PRDM15: variants seen among roughly 807,000 people sequenced by gnomAD.
PRDM15 encodes the protein PR domain zinc finger protein 15.
A neutral mutation model predicts 128.6 loss-of-function variants in PRDM15; 64 were observed. The ratio of observed to expected loss-of-function variants is 0.50; its 90% CI spans 0.41 to 0.61. The LOEUF is 0.61. Among genes scored for constraint, PRDM15 ranks in the 20% least tolerant of loss-of-function variants. The pLI, the probability that PRDM15 is intolerant of heterozygous loss-of-function variation, is 0.00. For missense variants in PRDM15, 1,242 were observed against 1,569.1 expected (o/e 0.79, Z 3.52); for synonymous variants, 615 against 621.8 (o/e 0.99, Z 0.16).
Position 41,879,027 on chromosome 21 carries a change from G to C in PRDM15, c.-10+243C>G. 3.7e-6 allele frequency: 4 copies of C among 1,084,658 alleles called. No homozygotes were observed. Among genetic ancestry groups the C allele is most frequent in the Non-Finnish European group, 4.6e-6 (4 of 876,276 alleles). 67.2% of individuals were successfully genotyped at this position (1,084,658 alleles called of 1,614,324 possible). On this transcript the variant is annotated intron_variant, in intron 1 of 23. Coordinates refer to ENST00000398548, the MANE Select transcript of PRDM15 (RefSeq NM_001040424.3). The surrounding 1 kb of genome is among the most constrained non-coding windows in gnomAD (Gnocchi z 5.1). ...GGCGGGCGGCGCGCAGGGCGATCCC[G>C]GAGCGGCTCCGGGAAATCCAGCCGG...
chr21:41,835,888 A>G (rs115525932), intron 10 of PRDM15, among the ~76,000 whole-genome samples: 255 of 50,644 alleles, frequency 5.0e-3, no homozygotes, highest in South Asian at 0.01. Context: ...TCTCAGGGAC[A>G]CCTGGGCACC....
Position 41,828,945 on chromosome 21 carries a change from C to T in PRDM15, c.1367-612G>A, listed in dbSNP as rs2062573129. On this transcript the variant is annotated intron_variant, in intron 11 of 23. Coordinates refer to ENST00000398548, the MANE Select transcript of PRDM15 (RefSeq NM_001040424.3). This position sits in a 1 kb window ranked among gnomAD's most constrained non-coding sequence, Gnocchi z 5.7. ...TCAACACACACCCCCCACACAAATA[C>T]ACAATCACACACACCACATACACAC... Among the ~76,000 whole-genome samples, 1 of 149,566 alleles carries T rather than the reference C, an allele frequency of 6.7e-6. No individual in the cohort carries two copies. The highest frequency in any genetic ancestry group is 2.5e-5 in the African/African-American group (1 of 39,706).
intron 1 of PRDM15, chr21:41,861,720 T>A (rs750801270): frequency 6.2e-7 from 1 of 1,614,110 alleles, no homozygotes; most frequent in South Asian, 1.1e-5. Context: ...GCAAAACTCA[T>A]ATGGAAACTC....
In PRDM15 at chr21:41,862,195, C is replaced by T. The variant is rs1410650703; in HGVS notation, c.-9-1823G>A. Among the ~76,000 whole-genome samples, 1 of 152,180 alleles carries T rather than the reference C, an allele frequency of 6.6e-6. No homozygotes were observed. Among genetic ancestry groups the T allele is most frequent in the Non-Finnish European group, 1.5e-5 (1 of 68,024 alleles). On this transcript the variant is annotated intron_variant, in intron 1 of 23. Coordinates refer to ENST00000398548, the MANE Select transcript of PRDM15 (RefSeq NM_001040424.3). This position sits in a 1 kb window ranked among gnomAD's most constrained non-coding sequence, Gnocchi z 4.1. ...CCTGCGTGCCCCCTGCAGGAACCCACGTGACTCACGGTCAGGAGCTTGGGC... is the reference window on the plus strand; with the variant it reads ...CCTGCGTGCCCCCTGCAGGAACCCATGTGACTCACGGTCAGGAGCTTGGGC...
Position 41,836,177 on chromosome 21 carries a change from GCA to G in PRDM15, c.1212_1213del (p.Ala405LysfsTer34). ...GCTCTCTTTGCGGCTGAACAATTTT[GCA>G]CACTCTTCGCACTTAAACAGCTTGT... On this transcript the variant is annotated frameshift_variant, in exon 10 of 24. Transcript: ENST00000398548. LOFTEE classifies it high-confidence loss of function. 6.2e-7 allele frequency: 1 copy of G among 1,613,906 alleles called. No homozygotes were observed. The highest frequency in any genetic ancestry group is 8.5e-7 in the Non-Finnish European group (1 of 1,179,958).
At chr21:41,839,578 G>A (rs770308632) in intron 7 of PRDM15, 45 bp downstream of exon 7, 1 of 1,568,120 alleles carries the variant, frequency 6.4e-7, no homozygotes, top group Non-Finnish European at 8.8e-7. Context: ...GCGCCAGGAG[G>A]GCTGCGCCCC....
chr21:41,806,525 CCACCACCA>C (rs2061655550), intron 21 of PRDM15, among the ~76,000 whole-genome samples: 1 of 2,936 alleles, frequency 3.4e-4, no homozygotes, highest in Non-Finnish European at 9.9e-4. Context: ...ACCACCATCA[CCACCACCA>C]TCACTACCAC....
chr21:41,826,760 C>T lies in PRDM15; in HGVS notation c.1535-706G>A, dbSNP rs1242308036. Among the ~76,000 whole-genome samples the T allele has an allele frequency of 5.3e-5, 8 of 152,202 alleles. No individual in the cohort carries two copies. In the South Asian group the frequency reaches 6.2e-4, roughly 12 times the overall value. ...CAAACTGGACGTTGGACAAACGGACCGTTCTCCAAAGGCTCCCAGCATGAC... is the reference window on the plus strand; with the variant it reads ...CAAACTGGACGTTGGACAAACGGACTGTTCTCCAAAGGCTCCCAGCATGAC... On this transcript the variant is annotated intron_variant, in intron 12 of 23. Coordinates refer to ENST00000398548, the MANE Select transcript of PRDM15 (RefSeq NM_001040424.3).
At chr21:41,838,657 C>CT (rs550854397) in intron 7 of PRDM15, among the ~76,000 whole-genome samples, 42 of 152,358 alleles carry the variant, frequency 2.8e-4, no homozygotes, top group African/African-American at 9.6e-4. Context: ...ACCTGACACG[C>CT]TTTCCCCCGC....
chr21:41,859,338 G>A lies in PRDM15; in HGVS notation c.131+254C>T, dbSNP rs373801204. 9.8e-5 allele frequency: 97 copies of A among 991,792 alleles called. 1 individual carries two copies. In the East Asian group the frequency reaches 1.9e-3, roughly 20 times the overall value. The allele number at this position is 991,792 out of a possible 1,614,324, so 61.4% of individuals were successfully genotyped here. On this transcript the variant is annotated intron_variant, in intron 3 of 23. Transcript: ENST00000398548. The surrounding 1 kb of genome is among the most constrained non-coding windows in gnomAD (Gnocchi z 5.3). Reference sequence around the variant, plus strand: ...TTCTGCAGCCTCCACACACTGTGTCGGGAACAGCTGGGCTCCAGCTAAGAA... The same window carrying A: ...TTCTGCAGCCTCCACACACTGTGTCAGGAACAGCTGGGCTCCAGCTAAGAA...
At chr21:41,833,497 C>T (rs1157767715) in intron 11 of PRDM15, among the ~76,000 whole-genome samples, 3 of 152,164 alleles carry the variant, frequency 2.0e-5, no homozygotes, top group African/African-American at 4.8e-5. Context: ...ATTCTTGGTA[C>T]AAATTCTTGG....
chr21:41,862,589 T>G lies in PRDM15; in HGVS notation c.-9-2217A>C, dbSNP rs557587179. ...TATGTAAATGTCCGAGTCCTGGCAA[T>G]AAGGGTCCCGATTAGCAGCATCTGG... is the stretch of plus-strand genomic sequence containing the variant. On this transcript the variant is annotated intron_variant, in intron 1 of 23. Transcript: ENST00000398548. The surrounding 1 kb of genome is among the most constrained non-coding windows in gnomAD (Gnocchi z 4.1). Among the ~76,000 whole-genome samples, 1 of 152,148 alleles carries G rather than the reference T, an allele frequency of 6.6e-6. No homozygotes were observed. Among genetic ancestry groups the G allele is most frequent in the South Asian group, 2.1e-4 (1 of 4,826 alleles).
At chr21:41,805,991 C>CCACCACCACCAT (rs1568879275) in intron 21 of PRDM15, among the ~76,000 whole-genome samples, 4 of 89,170 alleles carry the variant, frequency 4.5e-5, no homozygotes, top group African/African-American at 1.8e-4. Context: ...ACCACTATCA[C>CCACCACCACCAT]CACCACCACC....
At position 41,828,333 on chromosome 21, in the gene PRDM15, T is replaced by C. The variant is rs2062544259; in HGVS notation, c.1367A>G (p.Asp456Gly). 6 of 1,613,848 alleles carry C rather than the reference T, an allele frequency of 3.7e-6. No individual in the cohort carries two copies. The highest frequency in any genetic ancestry group is 5.1e-6 in the Non-Finnish European group (6 of 1,179,944). The change falls in exon 12 of 24, where the codon GAT becomes GGT. Residue 456 changes from aspartate to glycine, a missense_variant and splice_region_variant. Physicochemically the swap from Asp to Gly is moderately conservative, Grantham distance 94 (BLOSUM62 -1). Transcript: ENST00000398548. The surrounding 1 kb of genome is among the most constrained non-coding windows in gnomAD (Gnocchi z 5.7). ...SALEFHNCRT[D>G]DKTFQCEMCF... ...CATCTCACATTGGAACGTCTTGTCA[T>C]CTGTCCAGAGAGCAAACAAACACAC...
intron 12 of PRDM15, 84 bp from the exon 13 acceptor site, chr21:41,826,138 C>T (rs1378665122): frequency 2.6e-6 from 3 of 1,157,156 alleles, no homozygotes; most frequent in Non-Finnish European, 3.9e-6. Context: ...AGCCAGCATC[C>T]TTTCCAGCGC....
In PRDM15 at chr21:41,858,755, AG is replaced by A. The variant is rs1297324907; in HGVS notation, c.131+836del. 2.0e-5 allele frequency among the ~76,000 whole-genome samples: 3 copies of A among 149,478 alleles called. No homozygotes were observed. The East Asian group carries it at 6.4e-4, about 32-fold the overall frequency. On this transcript the variant is annotated intron_variant, in intron 3 of 23. Coordinates refer to ENST00000398548, the MANE Select transcript of PRDM15 (RefSeq NM_001040424.3). ...AGGCAGTCCCTGAGGGTTCTGGGGA[AG>A]AGGGGGGTTGATGGGAAGAGGGGGG... is the stretch of plus-strand genomic sequence containing the variant.
In PRDM15 at chr21:41,821,560, A is replaced by C. The variant is rs1476436914; in HGVS notation, c.1897-330T>G. On this transcript the variant is annotated intron_variant, in intron 15 of 23. Transcript: ENST00000398548. This position sits in a 1 kb window ranked among gnomAD's most constrained non-coding sequence, Gnocchi z 5.4. ...GGAGAGAAGGGGAGGGGAAAAGGGG[A>C]GGAGAGAGGCGCCCCAGCCTGCAGC... Among the ~76,000 whole-genome samples the C allele has an allele frequency of 6.6e-6, 1 of 151,994 alleles. No individual in the cohort carries two copies. The highest frequency in any genetic ancestry group is 1.9e-4 in the East Asian group (1 of 5,186).
intron 1 of PRDM15, among the ~76,000 whole-genome samples, chr21:41,878,272 G>A (rs1032637545): frequency 6.6e-6 from 1 of 152,274 alleles, no homozygotes; most frequent in Admixed American, 6.5e-5. Context: ...AGGTCCACGT[G>A]TCTCTGATCA....
At position 41,841,419 on chromosome 21, in the gene PRDM15, G is replaced by A. The variant is rs2063071415; in HGVS notation, c.641-1566C>T. ...CAAAATTCAATATCCGGTGAAAACC[G>A]TTTCCAGTGCAGATGGTTAAAGAAA... On this transcript the variant is annotated intron_variant, in intron 6 of 23. Coordinates refer to ENST00000398548, the MANE Select transcript of PRDM15 (RefSeq NM_001040424.3). 2.6e-5 allele frequency among the ~76,000 whole-genome samples: 4 copies of A among 152,338 alleles called. No homozygotes were observed. The South Asian group carries it at 6.2e-4, about 24-fold the overall frequency.
Sources: allele counts gnomAD v4.1 joint callset (sites outside exome capture counted in the v4.1 genomes callset), GRCh38; gene constraint gnomAD v4.1.1; non-coding constraint Gnocchi (gnomAD v3.1); transcripts MANE v1.5; gene names NCBI Gene and HGNC (gene_info 2026-07-23, HGNC 2026-07-21).